Variants in TRAPPC12 observed in about 807,000 individuals in gnomAD.
The protein encoded by TRAPPC12 is TPR repeat protein 15.
TRAPPC12 carries 61 observed loss-of-function variants against 69.2 expected under a neutral mutation model. The ratio of observed to expected loss-of-function variants is 0.88; its 90% CI spans 0.72 to 1.09. The LOEUF is 1.09. Among genes scored for constraint, TRAPPC12 ranks in the 50% least tolerant of loss-of-function variants. TRAPPC12 has a pLI of 0.00. For missense variants in TRAPPC12, 1,101 were observed against 1,016.4 expected (o/e 1.08, Z -1.13); for synonymous variants, 469 against 438.9 (o/e 1.07, Z -0.86).
rs138331412 is a variant in TRAPPC12, at chr2:3,387,787, C to T, written c.164C>T (p.Ser55Leu). Reference sequence around the variant, plus strand: ...GAGAACGAGACCGCATCGGAAGGCTCGAGTCCTCTCGCGGACAAGCTGAAC... The same window carrying T: ...GAGAACGAGACCGCATCGGAAGGCTTGAGTCCTCTCGCGGACAAGCTGAAC... ...SEENETASEG[S>L]SPLADKLNEH... Residue 55 changes from serine to leucine, a missense_variant, in exon 2 of 12, where the codon TCG (serine) becomes TTG (leucine). By Grantham distance (145) the Ser-to-Leu change is moderately radical. Transcript: ENST00000324266. 2 of 1,613,304 alleles carry T rather than the reference C, an allele frequency of 1.2e-6. No individual in the cohort carries two copies. Among genetic ancestry groups the T allele is most frequent in the Non-Finnish European group, 1.7e-6 (2 of 1,179,586 alleles).
chr2:3,380,588 T>G (rs1460515282), intron 1 of TRAPPC12, among the ~76,000 whole-genome samples: 2 of 152,224 alleles, frequency 1.3e-5, no homozygotes, highest in Non-Finnish European at 1.5e-5. Context: ...GTCTTTGGAT[T>G]CAGTCACTGT....
intron 2 of TRAPPC12, among the ~76,000 whole-genome samples, chr2:3,393,670 T>A (rs192357859): frequency 2.2e-4 from 32 of 143,282 alleles, no homozygotes; most frequent in Non-Finnish European, 3.5e-4. Flanking sequence ...AAAATATGCC[T>A]TTTCTATTTA....
intron 8 of TRAPPC12, among the ~76,000 whole-genome samples, chr2:3,463,838 G>T (rs1267795087): frequency 6.6e-6 from 1 of 152,102 alleles, no homozygotes; most frequent in Non-Finnish European, 1.5e-5. Flanking sequence ...ACATGTGTGG[G>T]ATTAGAACAG....
At position 3,463,015 on chromosome 2, in the gene TRAPPC12, G is replaced by A. The variant is rs549910386; in HGVS notation, c.1678-2582G>A. On this transcript the variant is annotated intron_variant, in intron 8 of 11. Transcript: ENST00000324266. ...ATCTAGTTTCACGGCCTGTAAACACGTGTGGCTGCTGAAAAGAAATGGTGA... is the reference window on the plus strand; with the variant it reads ...ATCTAGTTTCACGGCCTGTAAACACATGTGGCTGCTGAAAAGAAATGGTGA... 7.6e-5 allele frequency: 35 copies of A among 460,776 alleles called. No individual in the cohort carries two copies. In the East Asian group the frequency reaches 1.6e-3, roughly 21 times the overall value. 28.5% of individuals were successfully genotyped at this position (460,776 alleles called of 1,614,324 possible).
chr2:3,387,960 G>A lies in TRAPPC12; in HGVS notation c.337G>A (p.Glu113Lys), dbSNP rs1460757252. 6 of 1,480,876 alleles carry A rather than the reference G, an allele frequency of 4.1e-6. No homozygotes were observed. Among genetic ancestry groups the A allele is most frequent in the African/African-American group, 1.5e-5 (1 of 68,288 alleles). 91.7% of individuals were successfully genotyped at this position (1,480,876 alleles called of 1,614,324 possible). A position where few individuals can be genotyped will look rare whatever the true frequency, so the allele number is the denominator to read the frequency against. ...CGCGGGCACCCCGAGTCCCAGCGGC[G>A]AGGCCGACGGCGACTGTGCCCCCGA... Reference protein sequence around the residue: ...EPAGTPSPSGEADGDCAPEDA... With the variant: ...EPAGTPSPSGKADGDCAPEDA... Residue 113 changes from glutamate to lysine, a missense_variant, in exon 2 of 12, where the codon GAG (glutamate) becomes AAG (lysine). Glu to Lys is a moderately conservative substitution (Grantham distance 56). Coordinates refer to ENST00000324266, the MANE Select transcript of TRAPPC12 (RefSeq NM_016030.6).
intron 2 of TRAPPC12, among the ~76,000 whole-genome samples, chr2:3,396,056 G>T (rs553674118): frequency 6.6e-6 from 1 of 152,168 alleles, no homozygotes; most frequent in South Asian, 2.1e-4. Context: ...GTAGAGACAG[G>T]GCTTCACCAC....
chr2:3,478,019 G>A (rs1246018777), intron 10 of TRAPPC12: 1 of 401,198 alleles, frequency 2.5e-6, no homozygotes, highest in Admixed American at 4.2e-5. Flanking sequence ...ATTCCCCCTT[G>A]TTCTTCAGAG....
At chr2:3,462,105 G>A (rs1665540368) in intron 8 of TRAPPC12, among the ~76,000 whole-genome samples, 1 of 152,174 alleles carries the variant, frequency 6.6e-6, no homozygotes, top group South Asian at 2.1e-4. Flanking sequence ...ACTAATCATG[G>A]GGCTAAAACT....
intron 3 of TRAPPC12, among the ~76,000 whole-genome samples, chr2:3,403,430 C>T (rs1327062290): frequency 6.6e-6 from 1 of 152,136 alleles, no homozygotes; most frequent in Non-Finnish European, 1.5e-5. Flanking sequence ...GACAGGGTTT[C>T]ACCATGGCCA....
chr2:3,389,634 C>G (rs1379447097), intron 2 of TRAPPC12: 1 of 470,680 alleles, frequency 2.1e-6, no homozygotes, highest in East Asian at 6.9e-5. Context: ...CATTAACAGA[C>G]CACTGCTTCC....
intron 8 of TRAPPC12, among the ~76,000 whole-genome samples, chr2:3,461,567 G>A (rs922994395): frequency 6.6e-6 from 1 of 152,232 alleles, no homozygotes. Flanking sequence ...CATTCACACA[G>A]CTCTCTCCTC....
At chr2:3,463,196 G>A (rs1022944311) in intron 8 of TRAPPC12, 12 of 294,094 alleles carry the variant, frequency 4.1e-5, no homozygotes, top group South Asian at 3.2e-4. Flanking sequence ...AGTAAATAAA[G>A]TCATTAAGTA....
intron 1 of TRAPPC12, among the ~76,000 whole-genome samples, chr2:3,384,689 T>A (rs185391707): frequency 1.1e-3 from 167 of 152,356 alleles, no homozygotes; most frequent in Middle Eastern, 0.01. Context: ...GATTTTTGCA[T>A]GTGTGTTCAT....
At chr2:3,456,038 T>C (rs941499448) in intron 6 of TRAPPC12, 5 of 152,234 alleles carry the variant, frequency 3.3e-5, no homozygotes, top group Admixed American at 3.3e-4. Flanking sequence ...TGTCAGTTTC[T>C]GTTCTTATGA....
At chr2:3,444,817 CTTG>C (rs891333247) in intron 6 of TRAPPC12, among the ~76,000 whole-genome samples, 5 of 152,278 alleles carry the variant, frequency 3.3e-5, no homozygotes, top group African/African-American at 9.6e-5. Flanking sequence ...TTCTAGGCCC[CTTG>C]TTGTCCTGGG....
chr2:3,399,813 C>A (rs911526674), intron 2 of TRAPPC12, among the ~76,000 whole-genome samples: 1 of 149,158 alleles, frequency 6.7e-6, no homozygotes, highest in East Asian at 2.0e-4. Flanking sequence ...CCCGCTCCCC[C>A]CGCCACCGCC....
chr2:3,422,433 A>G (rs537525331), intron 4 of TRAPPC12, among the ~76,000 whole-genome samples: 64 of 152,274 alleles, frequency 4.2e-4, no homozygotes, highest in Admixed American at 1.1e-3. Context: ...AAAAAAAAAG[A>G]AAAAAGAAAA....
intron 1 of TRAPPC12, among the ~76,000 whole-genome samples, chr2:3,380,410 A>G (rs1380307033): frequency 1.3e-5 from 2 of 152,240 alleles, no homozygotes; most frequent in African/African-American, 4.8e-5. Context: ...TGTAGAGTAT[A>G]TTTACTGTGA....
intron 6 of TRAPPC12, among the ~76,000 whole-genome samples, chr2:3,453,605 G>A (rs946063197): frequency 3.9e-5 from 6 of 152,160 alleles, no homozygotes; most frequent in African/African-American, 9.7e-5. Flanking sequence ...CTTCCCAAAC[G>A]AACCGGGTGT....
Sources: allele counts gnomAD v4.1 joint callset (sites outside exome capture counted in the v4.1 genomes callset), GRCh38; gene constraint gnomAD v4.1.1; transcripts MANE v1.5; gene names NCBI Gene and HGNC (gene_info 2026-07-23, HGNC 2026-07-21).